WWOX: variants seen among roughly 807,000 people sequenced by gnomAD.
WWOX encodes the protein WW domain-containing oxidoreductase.
A neutral mutation model predicts 46.2 loss-of-function variants in WWOX; 69 were observed. That is an observed-to-expected ratio of 1.49 (90% CI 1.23 to 1.82). WWOX has a LOEUF of 1.82. Among genes scored for constraint, WWOX ranks in the 40% most tolerant of loss-of-function variants. The pLI, the probability that WWOX is intolerant of heterozygous loss-of-function variation, is 0.00. For synonymous variants in WWOX, 359 were observed against 202.6 expected (o/e 1.77, Z -6.56); for missense variants, 919 against 542.6 (o/e 1.69, Z -6.89).
At chr16:78,530,608 T>C (rs1597219646) in intron 8 of WWOX, among the ~76,000 whole-genome samples, 1 of 152,082 alleles carries the variant, frequency 6.6e-6, no homozygotes, top group Non-Finnish European at 1.5e-5. Flanking sequence ...CCATGGGTGG[T>C]TGTGGAAAAG....
chr16:78,740,683 C>T (rs1403208085), intron 8 of WWOX, among the ~76,000 whole-genome samples: 1 of 152,072 alleles, frequency 6.6e-6, no homozygotes, highest in East Asian at 1.9e-4. Context: ...GTTATGGCTG[C>T]CAGTTGGCCG....
At chr16:78,406,728 G>C (rs1025182257) in intron 6 of WWOX, among the ~76,000 whole-genome samples, 1 of 151,562 alleles carries the variant, frequency 6.6e-6, no homozygotes, top group South Asian at 2.1e-4. Flanking sequence ...CGGGGTTCAA[G>C]CGATTCTCCT....
chr16:78,907,045 A>T (rs978691110), intron 8 of WWOX, among the ~76,000 whole-genome samples: 6 of 152,026 alleles, frequency 3.9e-5, no homozygotes, highest in Non-Finnish European at 8.8e-5. Context: ...AAAGAGTTTA[A>T]TGTTGGTAGA....
chr16:78,996,449 G>T, intron 8 of WWOX: 1 of 529,138 alleles, frequency 1.9e-6, no homozygotes, highest in Non-Finnish European at 2.3e-6. Flanking sequence ...CATATTCAAA[G>T]TGCTCAGCAC....
At chr16:78,419,558 A>C (rs1247110589) in intron 6 of WWOX, among the ~76,000 whole-genome samples, 1 of 147,808 alleles carries the variant, frequency 6.8e-6, no homozygotes, top group Admixed American at 6.9e-5. Context: ...TGCTAGAACC[A>C]CTGGATAGCC....
intron 8 of WWOX, among the ~76,000 whole-genome samples, chr16:78,674,427 G>T (rs763307849): frequency 6.6e-6 from 1 of 152,000 alleles, no homozygotes; most frequent in Non-Finnish European, 1.5e-5. Flanking sequence ...TGGAACTACA[G>T]GCGTCCGCCA....
rs79193704 is a variant in WWOX, at chr16:78,815,457, C to G, written c.1056+382705C>G. Among the ~76,000 whole-genome samples, 33 of 152,270 alleles carry G rather than the reference C, an allele frequency of 2.2e-4. 1 individual carries two copies. The East Asian group carries it at 6.4e-3, about 29-fold the overall frequency. ...TAAACCCTGCACCGACCTTTACAAA[C>G]AGTGCCTTTACTAAACACTTCTTAC... On this transcript the variant is annotated intron_variant, in intron 8 of 8. Transcript: ENST00000566780.
chr16:78,667,618 C>T (rs1310033240), intron 8 of WWOX, among the ~76,000 whole-genome samples: 1 of 145,702 alleles, frequency 6.9e-6, no homozygotes, highest in Non-Finnish European at 1.5e-5. Context: ...TAGCAGTGAG[C>T]CAAGATCGTG....
intron 8 of WWOX, among the ~76,000 whole-genome samples, chr16:79,208,835 G>A (rs553070861): frequency 1.3e-4 from 20 of 152,230 alleles, no homozygotes; most frequent in East Asian, 1.2e-3. Flanking sequence ...CCATTGGTAC[G>A]GCTGAAAATT....
At chr16:78,922,040 A>C (rs1311489282) in intron 8 of WWOX, among the ~76,000 whole-genome samples, 1 of 152,188 alleles carries the variant, frequency 6.6e-6, no homozygotes, top group African/African-American at 2.4e-5. Context: ...CTTTTCTACT[A>C]TCTATGTGTG....
intron 8 of WWOX, among the ~76,000 whole-genome samples, chr16:79,068,100 C>T (rs930577270): frequency 3.9e-5 from 6 of 152,252 alleles, no homozygotes; most frequent in Non-Finnish European, 7.4e-5. Flanking sequence ...AGGGGGGCTC[C>T]GGAAGATCCC....
chr16:78,465,830 T>A (rs1290417351), intron 8 of WWOX, among the ~76,000 whole-genome samples: 1 of 152,206 alleles, frequency 6.6e-6, no homozygotes, highest in Non-Finnish European at 1.5e-5. Flanking sequence ...ACAGTCTGAA[T>A]TGCATTCTGT....
intron 5 of WWOX, chr16:78,265,985 A>G (rs2079354576): frequency 6.6e-6 from 1 of 151,764 alleles, no homozygotes; most frequent in African/African-American, 2.4e-5. Context: ...GCTGTTGAAG[A>G]ACTTGCCCAG....
intron 8 of WWOX, among the ~76,000 whole-genome samples, chr16:78,758,055 T>G (rs9924212): frequency 0.49 from 74,702 of 152,018 alleles, 21,733 homozygotes; most frequent in Non-Finnish European, 0.64. Flanking sequence ...TGTGCCCCTA[T>G]TATTATTAAT....
At chr16:78,255,902 A>T (rs1414943726) in intron 5 of WWOX, among the ~76,000 whole-genome samples, 3 of 152,128 alleles carry the variant, frequency 2.0e-5, no homozygotes, top group African/African-American at 7.2e-5. Flanking sequence ...TCATAATCTC[A>T]GCACTTTGAG....
At chr16:78,927,226 C>T (rs1296739966) in intron 8 of WWOX, among the ~76,000 whole-genome samples, 1 of 152,184 alleles carries the variant, frequency 6.6e-6, no homozygotes, top group Non-Finnish European at 1.5e-5. Context: ...ATTTTCAATG[C>T]CTGGCTGGTT....
chr16:78,468,002 C>T (rs1003693602), intron 8 of WWOX, among the ~76,000 whole-genome samples: 4 of 152,122 alleles, frequency 2.6e-5, no homozygotes, highest in Non-Finnish European at 5.9e-5. Flanking sequence ...GGGGGTTCCA[C>T]TGGTATATTT....
At chr16:78,587,700 G>A (rs1386365675) in intron 8 of WWOX, among the ~76,000 whole-genome samples, 1 of 152,154 alleles carries the variant, frequency 6.6e-6, no homozygotes, top group Admixed American at 6.5e-5. Context: ...GGTGCTTGAT[G>A]GCTTGACTGT....
chr16:78,712,024 A>G (rs1243438267), intron 8 of WWOX, among the ~76,000 whole-genome samples: 3 of 152,094 alleles, frequency 2.0e-5, no homozygotes, highest in African/African-American at 7.2e-5. Context: ...CGTCCTCCCA[A>G]TCATAGGGCG....
Sources: gnomAD v4.1 joint callset for allele counts (sites outside exome capture counted in the v4.1 genomes callset) on GRCh38, gnomAD v4.1.1 for gene constraint, MANE v1.5 for transcripts, NCBI Gene and HGNC (gene_info 2026-07-23, HGNC 2026-07-21) for gene names.